The following EVI5 variants were observed in gnomAD, a reference collection of about 807,000 sequenced individuals.
EVI5 encodes ecotropic viral integration site 5 protein homolog.
Under a neutral mutation model 112.0 loss-of-function variants are expected in EVI5, and 73 were observed. The observed-to-expected ratio is 0.65, with a 90% CI of 0.54 to 0.79. The LOEUF is 0.79. Among genes scored for constraint, EVI5 ranks in the 30% least tolerant of loss-of-function variants. EVI5 has a pLI of 0.00. For missense variants in EVI5, 900 were observed against 968.8 expected (o/e 0.93, Z 0.94); for synonymous variants, 305 against 319.9 (o/e 0.95, Z 0.50).
chr1:92,749,299 A>C (rs1411815392), intron 1 of EVI5: 2 of 248,662 alleles, frequency 8.0e-6, no homozygotes, highest in Non-Finnish European at 1.6e-5. Flanking sequence ...CATGGTATAG[A>C]GCTCTCCTTA....
In EVI5 at chr1:92,527,429, A is replaced by AAAAG. The variant is rs1553169689; in HGVS notation, c.2167-13460_2167-13459insCTTT. Among the ~76,000 whole-genome samples, 340 of 134,728 alleles carry AAAAG rather than the reference A, an allele frequency of 2.5e-3. 15 individuals carry two copies. The highest frequency in any genetic ancestry group is 6.2e-3 in the African/African-American group (223 of 35,710). The allele number at this position is 134,728 out of a possible 152,430, so 88.4% of individuals were successfully genotyped here. On this transcript the variant is annotated intron_variant, in intron 19 of 19. Transcript: ENST00000684568. ...GACACTGTCTCAAAAAAAAAAAAAA[A>AAAAG]AAAAGAAAAAAAGAAATAAAAGAAA...
At chr1:92,567,985 T>C (rs780319976) in intron 18 of EVI5, among the ~76,000 whole-genome samples, 3 of 152,188 alleles carry the variant, frequency 2.0e-5, no homozygotes, top group Non-Finnish European at 2.9e-5. Context: ...ACAGAGATAC[T>C]AAGTCAGAGT....
intron 16 of EVI5, among the ~76,000 whole-genome samples, chr1:92,621,665 C>T (rs1654623634): frequency 6.6e-6 from 1 of 152,100 alleles, no homozygotes; most frequent in Admixed American, 6.6e-5. Flanking sequence ...AATTGACCTC[C>T]CTCAAGTGTA....
intron 1 of EVI5, among the ~76,000 whole-genome samples, chr1:92,775,763 G>A (rs1366961473): frequency 1.3e-5 from 2 of 152,150 alleles, no homozygotes; most frequent in Non-Finnish European, 2.9e-5. Context: ...AAGGCCAATG[G>A]GGATTTTGTG....
intron 14 of EVI5, among the ~76,000 whole-genome samples, chr1:92,629,848 G>A (rs964436049): frequency 3.9e-5 from 5 of 129,182 alleles, no homozygotes; most frequent in Admixed American, 3.0e-4. Context: ...CCCAGGGTGC[G>A]ATGTTCCCCT....
chr1:92,612,161 G>C (rs777145407), intron 16 of EVI5, among the ~76,000 whole-genome samples: 1 of 151,484 alleles, frequency 6.6e-6, no homozygotes, highest in African/African-American at 2.4e-5. Flanking sequence ...TGTTCACCCA[G>C]GTAAGCATTT....
rs1488456443 is a variant in EVI5 at position 92,563,485 on chromosome 1, C to T, written c.2166+157G>A. On this transcript the variant is annotated intron_variant, in intron 19 of 19. Coordinates refer to ENST00000684568, the MANE Select transcript of EVI5 (RefSeq NM_001350197.2). ...CCAATATTAGAACAGAAGATCCTTG[C>T]TAAAAAGACAATTTTCAAAAATGTT... Among the ~76,000 whole-genome samples the T allele has an allele frequency of 5.3e-5, 8 of 152,168 alleles. No homozygotes were observed. In the South Asian group the frequency reaches 8.3e-4, roughly 16 times the overall value.
At position 92,637,435 on chromosome 1, in the gene EVI5, G is replaced by A. The variant is rs554763075; in HGVS notation, c.1393-1099C>T. On this transcript the variant is annotated intron_variant, in intron 13 of 19. Transcript: ENST00000684568. The stretch of plus-strand genomic sequence containing the variant: ...AATAATTGCTGGAAGTAGAGAAGAC[G>A]CAGATGCTGCACAAAGAAATTAACC... 4.6e-5 allele frequency among the ~76,000 whole-genome samples: 7 copies of A among 151,052 alleles called. No individual in the cohort carries two copies. The South Asian group carries it at 6.3e-4, about 14-fold the overall frequency.
chr1:92,734,753 A>G (rs1358927244), intron 2 of EVI5, among the ~76,000 whole-genome samples: 1 of 152,218 alleles, frequency 6.6e-6, no homozygotes, highest in African/African-American at 2.4e-5. Context: ...GAAGAATTTG[A>G]AAGTCATGTG....
rs903199056 is a variant in EVI5, at chr1:92,742,652, G to A, written c.-81-6025C>T. Among the ~76,000 whole-genome samples, 7 of 150,458 alleles carry A rather than the reference G, an allele frequency of 4.7e-5. No homozygotes were observed. In the South Asian group the frequency reaches 6.3e-4, roughly 14 times the overall value. ...AGTGCCATTGCACTCCAGCCTGGGC[G>A]ACAAGACCAAAACTCTGTCTCACAA... On this transcript the variant is annotated intron_variant, in intron 1 of 19. Transcript: ENST00000684568.
At chr1:92,713,642 TG>T (rs1558130047) in intron 2 of EVI5, among the ~76,000 whole-genome samples, 2 of 151,944 alleles carry the variant, frequency 1.3e-5, no homozygotes, top group African/African-American at 4.8e-5. Flanking sequence ...CCAGGCACAG[TG>T]GTGCATGCCT....
At chr1:92,777,038 G>A (rs532025425) in intron 1 of EVI5, among the ~76,000 whole-genome samples, 23 of 152,038 alleles carry the variant, frequency 1.5e-4, no homozygotes, top group South Asian at 1.5e-3. Flanking sequence ...TCCTGACCTC[G>A]TGATCCACCC....
chr1:92,702,806 CAAA>C (rs374337779), intron 4 of EVI5, among the ~76,000 whole-genome samples: 1 of 81,258 alleles, frequency 1.2e-5, no homozygotes, highest in Admixed American at 1.3e-4. Flanking sequence ...AACTCCATCT[CAAA>C]AAAAAAAAAA....
At chr1:92,726,048 G>T (rs2102733361) in intron 2 of EVI5, among the ~76,000 whole-genome samples, 1 of 152,262 alleles carries the variant, frequency 6.6e-6, no homozygotes, top group Middle Eastern at 3.4e-3. Context: ...TCCAAAAAAT[G>T]AACAAAGCAT....
chr1:92,762,631 T>A (rs1474904579), intron 1 of EVI5, among the ~76,000 whole-genome samples: 2 of 152,186 alleles, frequency 1.3e-5, no homozygotes, highest in East Asian at 3.8e-4. Flanking sequence ...CTAAAACTAA[T>A]CTTATTACCT....
intron 18 of EVI5, among the ~76,000 whole-genome samples, chr1:92,591,801 T>C (rs1673966787): frequency 6.6e-6 from 1 of 152,160 alleles, no homozygotes. Flanking sequence ...ATCAATAGAA[T>C]ATACATTCTT....
intron 2 of EVI5, among the ~76,000 whole-genome samples, chr1:92,726,629 T>C (rs1675608207): frequency 6.6e-6 from 1 of 152,156 alleles, no homozygotes; most frequent in Admixed American, 6.5e-5. Flanking sequence ...CAGAAGAGCA[T>C]TAGAAATGGT....
chr1:92,589,186 G>A (rs986333393), intron 18 of EVI5, among the ~76,000 whole-genome samples: 9 of 152,222 alleles, frequency 5.9e-5, no homozygotes, highest in African/African-American at 1.9e-4. Flanking sequence ...CTCCCAGCGT[G>A]AGTGATGCAG....
chr1:92,605,993 A>T (rs955955387), intron 17 of EVI5, among the ~76,000 whole-genome samples: 1 of 152,216 alleles, frequency 6.6e-6, no homozygotes, highest in African/African-American at 2.4e-5. Flanking sequence ...ATCAGAATGT[A>T]CTAGGTGCTA....
Sources: gnomAD v4.1 joint callset for allele counts (sites outside exome capture counted in the v4.1 genomes callset) on GRCh38, gnomAD v4.1.1 for gene constraint, MANE v1.5 for transcripts, NCBI Gene and HGNC (gene_info 2026-07-23, HGNC 2026-07-21) for gene names.